PREX2: variants seen among roughly 807,000 people sequenced by gnomAD.
The protein encoded by PREX2 is phosphatidylinositol-3,4,5-trisphosphate dependent Rac exchange factor 2.
A neutral mutation model predicts 203.2 loss-of-function variants in PREX2; 107 were observed. That is an observed-to-expected ratio of 0.53 (90% confidence interval 0.45 to 0.62). The LOEUF (loss-of-function observed/expected upper bound fraction) is 0.62, where lower values mean the gene tolerates loss of function less well. Ranked by LOEUF, PREX2 falls within the 20% of genes least tolerant of loss-of-function variation. The pLI is 0.00. For missense variants in PREX2, 1,777 were observed against 1,955.9 expected (o/e 0.91, Z 1.72); for synonymous variants, 672 against 663.6 (o/e 1.01, Z -0.19).
rs184918380 is a variant in PREX2, at chr8:68,212,109, T to G, written c.4605-5507T>G. On this transcript the variant is annotated intron_variant, in intron 37 of 39. Transcript: ENST00000288368. ...TTGAGCCCAGGCTGTTTCTCCACCCTCATCTCCTTCTCCCTGTGTGCACCA... is the reference window on the plus strand; with the variant it reads ...TTGAGCCCAGGCTGTTTCTCCACCCGCATCTCCTTCTCCCTGTGTGCACCA... Among the ~76,000 whole-genome samples, 262 of 152,306 alleles carry G rather than the reference T, an allele frequency of 1.7e-3. 2 individuals carry two copies. Among genetic ancestry groups the G allele is most frequent in the African/African-American group, 6.0e-3 (249 of 41,564 alleles).
At chr8:68,136,910 T>TC (rs1013190643) in intron 32 of PREX2, among the ~76,000 whole-genome samples, 3 of 143,966 alleles carry the variant, frequency 2.1e-5, no homozygotes, top group African/African-American at 7.6e-5. Flanking sequence ...TTACAGCAAC[T>TC]TTTTTTTTTT....
At chr8:68,157,744 G>C (rs575578414) in intron 35 of PREX2, among the ~76,000 whole-genome samples, 25 of 152,062 alleles carry the variant, frequency 1.6e-4, no homozygotes, top group African/African-American at 4.3e-4. Flanking sequence ...TGTTATAGTG[G>C]TGTCCCCTAT....
intron 15 of PREX2, among the ~76,000 whole-genome samples, chr8:68,078,311 G>C (rs1056607940): frequency 1.3e-5 from 2 of 152,086 alleles, no homozygotes; most frequent in African/African-American, 4.8e-5. Context: ...GACTACAAGT[G>C]CATGCCACCA....
chr8:67,991,766 T>C (rs1806616324), intron 1 of PREX2, among the ~76,000 whole-genome samples: 1 of 151,938 alleles, frequency 6.6e-6, no homozygotes, highest in African/African-American at 2.4e-5. Flanking sequence ...GGGTAAACAT[T>C]AGGGAGTGGC....
At chr8:67,976,576 C>CAG (rs1194672489) in intron 1 of PREX2, among the ~76,000 whole-genome samples, 3 of 43,912 alleles carry the variant, frequency 6.8e-5, no homozygotes, top group Non-Finnish European at 4.5e-5. Flanking sequence ...GAGACAGAGA[C>CAG]AGAGAGAGAG....
chr8:68,223,811 C>A (rs1013119470), intron 38 of PREX2, among the ~76,000 whole-genome samples: 1 of 152,034 alleles, frequency 6.6e-6, no homozygotes, highest in African/African-American at 2.4e-5. Flanking sequence ...ATGGACATAG[C>A]TTGTCCAAAA....
chr8:68,038,348 C>T (rs775558738), intron 7 of PREX2, 56 bp downstream of exon 7: 130 of 1,573,506 alleles, frequency 8.3e-5, no homozygotes, highest in Non-Finnish European at 1.1e-4. Flanking sequence ...ACCTTTCCCT[C>T]TGTGCTTCCC....
At chr8:68,163,669 C>G (rs1180611916) in intron 35 of PREX2, among the ~76,000 whole-genome samples, 1 of 152,072 alleles carries the variant, frequency 6.6e-6, no homozygotes, top group Non-Finnish European at 1.5e-5. Flanking sequence ...TTTTTTAAAT[C>G]AAGCATTCTA....
At chr8:68,060,267 G>T (rs992777394) in intron 10 of PREX2, among the ~76,000 whole-genome samples, 1 of 152,054 alleles carries the variant, frequency 6.6e-6, no homozygotes, top group Admixed American at 6.6e-5. Flanking sequence ...AGACAGTTTA[G>T]CTCTTTATAT....
At chr8:68,006,908 A>G (rs1449709286) in intron 1 of PREX2, among the ~76,000 whole-genome samples, 2 of 152,256 alleles carry the variant, frequency 1.3e-5, no homozygotes, top group Admixed American at 6.5e-5. Flanking sequence ...ACAAAGCTAT[A>G]TAGACAGACA....
Position 68,115,028 on chromosome 8 carries a change from T to C in PREX2, c.3147-725T>C, listed in dbSNP as rs1303943257. On this transcript the variant is annotated intron_variant, in intron 25 of 39. Transcript: ENST00000288368. ...CTTTCTTTTCTTTTCTTTCTTTTTT[T>C]TTTTTTTTTTTTTTTTGAGTTGGAG... 2.1e-3 allele frequency among the ~76,000 whole-genome samples: 289 copies of C among 140,220 alleles called. 1 individual carries two copies. The highest frequency in any genetic ancestry group is 4.0e-3 in the Admixed American group (57 of 14,198). 92.0% of individuals were successfully genotyped at this position (140,220 alleles called of 152,430 possible).
intron 34 of PREX2, 81 bp from the exon 35 acceptor site, chr8:68,157,241 T>TC (rs1811559306): frequency 1.6e-6 from 1 of 634,520 alleles, no homozygotes; most frequent in African/African-American, 1.9e-5. Context: ...CTAAATTTAC[T>TC]AATAATCAAT....
chr8:67,959,165 G>C (rs546091646), intron 1 of PREX2, among the ~76,000 whole-genome samples: 1 of 152,286 alleles, frequency 6.6e-6, no homozygotes, highest in East Asian at 1.9e-4. Context: ...CTGAAACAAA[G>C]AACTAGGAGA....
chr8:68,211,901 G>A lies in PREX2; in HGVS notation c.4605-5715G>A, dbSNP rs149953389. Among the ~76,000 whole-genome samples, 1,011 of 152,296 alleles carry A rather than the reference G, an allele frequency of 6.6e-3. 7 individuals carry two copies. The highest frequency in any genetic ancestry group is 0.023 in the African/African-American group (937 of 41,550). On this transcript the variant is annotated intron_variant, in intron 37 of 39. Transcript: ENST00000288368. Reference sequence around the variant, plus strand: ...ATGTTGCCACTGGAAAGCAACTGAAGATGCTTTGAATACAGTGTTGATAAA... The same window carrying A: ...ATGTTGCCACTGGAAAGCAACTGAAAATGCTTTGAATACAGTGTTGATAAA...
chr8:68,015,736 C>A (rs150654693), intron 1 of PREX2, among the ~76,000 whole-genome samples: 11 of 151,926 alleles, frequency 7.2e-5, no homozygotes, highest in African/African-American at 2.7e-4. Context: ...AACATTTTTG[C>A]GATGAGTATG....
intron 8 of PREX2, among the ~76,000 whole-genome samples, chr8:68,045,613 G>T (rs11986250): frequency 0.088 from 13,414 of 152,130 alleles, 1,909 homozygotes; most frequent in African/African-American, 0.3. Flanking sequence ...AATGCAATGA[G>T]CAAAACTCAG....
At chr8:68,178,071 G>T (rs897488678) in intron 35 of PREX2, among the ~76,000 whole-genome samples, 2 of 152,130 alleles carry the variant, frequency 1.3e-5, no homozygotes, top group African/African-American at 4.8e-5. Flanking sequence ...CCATGTCTTT[G>T]CTATTGTGAA....
At chr8:68,161,108 G>C (rs117383918) in intron 35 of PREX2, among the ~76,000 whole-genome samples, 6 of 148,172 alleles carry the variant, frequency 4.0e-5, no homozygotes, top group South Asian at 2.1e-4. Context: ...TTTTTTTTTG[G>C]GGGGGGGACA....
At chr8:68,076,777 C>G (rs1364749116) in intron 14 of PREX2, among the ~76,000 whole-genome samples, 1 of 150,790 alleles carries the variant, frequency 6.6e-6, no homozygotes, top group Non-Finnish European at 1.5e-5. Context: ...TAGGTGTTTT[C>G]TAAATGAAAA....
Sources: gnomAD v4.1 joint callset for allele counts (sites outside exome capture counted in the v4.1 genomes callset) on GRCh38, gnomAD v4.1.1 for gene constraint, MANE v1.5 for transcripts, NCBI Gene and HGNC (gene_info 2026-07-23, HGNC 2026-07-21) for gene names.